Variants in DOCK3 observed in about 807,000 individuals in gnomAD.
The protein encoded by DOCK3 is dedicator of cytokinesis 3, also known as dedicator of cytokinesis protein 3.
A neutral mutation model predicts 265.6 loss-of-function variants in DOCK3; 60 were observed. The observed-to-expected ratio is 0.23, with a 90% CI of 0.18 to 0.28. DOCK3 has a LOEUF of 0.28. Ranked by LOEUF, DOCK3 falls within the 10% of genes least tolerant of loss-of-function variation. The probability of loss-of-function intolerance (pLI) is 1.00; values close to 1 mark genes in which losing one functional copy is unlikely to be tolerated. For synonymous variants in DOCK3, 881 were observed against 938.0 expected, an observed-to-expected ratio of 0.94 and a Z score of 1.11; for missense variants, 1,981 against 2,594.3, an observed-to-expected ratio of 0.76 and a Z score of 5.14.
intron 21 of DOCK3, among the ~76,000 whole-genome samples, chr3:51,245,226 G>T (rs1472799269): frequency 6.6e-6 from 1 of 151,946 alleles, no homozygotes; most frequent in Admixed American, 6.6e-5. Flanking sequence ...AATCCCGGCT[G>T]CTTGGGAGGC....
intron 2 of DOCK3, chr3:50,787,519 G>A: frequency 1.8e-6 from 1 of 556,618 alleles, no homozygotes; most frequent in Non-Finnish European, 3.2e-6. Flanking sequence ...TGGGCAACAA[G>A]AGTAAAACTG....
chr3:51,306,123 C>G (rs2082679049), intron 27 of DOCK3, among the ~76,000 whole-genome samples: 1 of 151,698 alleles, frequency 6.6e-6, no homozygotes, highest in African/African-American at 2.4e-5. Flanking sequence ...ATCTCAGCCT[C>G]TCAAAGTGCT....
intron 27 of DOCK3, among the ~76,000 whole-genome samples, chr3:51,285,040 G>A (rs1361144278): frequency 6.6e-6 from 1 of 152,182 alleles, no homozygotes; most frequent in Non-Finnish European, 1.5e-5. Context: ...TTTAACATTT[G>A]CAGCTACATA....
chr3:51,267,429 A>G (rs1576599074), intron 23 of DOCK3, among the ~76,000 whole-genome samples: 4 of 150,250 alleles, frequency 2.7e-5, no homozygotes, highest in Admixed American at 2.7e-4. Flanking sequence ...TTGTTGCCCA[A>G]GCTGGAGTGC....
At chr3:50,809,516 A>G (rs148490379) in intron 2 of DOCK3, among the ~76,000 whole-genome samples, 1 of 152,354 alleles carries the variant, frequency 6.6e-6, no homozygotes, top group African/African-American at 2.4e-5. Context: ...GGCACTATAT[A>G]CTATAGCTGA....
At chr3:50,995,132 T>A (rs2078233311) in intron 5 of DOCK3, among the ~76,000 whole-genome samples, 1 of 152,254 alleles carries the variant, frequency 6.6e-6, no homozygotes, top group South Asian at 2.1e-4. Flanking sequence ...TATTTATATG[T>A]ACTACTGTTA....
intron 5 of DOCK3, among the ~76,000 whole-genome samples, chr3:51,034,904 A>G (rs899408198): frequency 6.6e-6 from 1 of 152,006 alleles, no homozygotes; most frequent in African/African-American, 2.4e-5. Context: ...ATGTTATTCC[A>G]TTGTGGTCTG....
intron 1 of DOCK3, among the ~76,000 whole-genome samples, chr3:50,773,380 A>C (rs570283649): frequency 6.6e-6 from 1 of 151,778 alleles, no homozygotes; most frequent in East Asian, 1.9e-4. Flanking sequence ...ATATTAATTT[A>C]AAAAAAATCA....
chr3:51,010,381 T>C (rs1448395710), intron 5 of DOCK3, among the ~76,000 whole-genome samples: 1 of 152,208 alleles, frequency 6.6e-6, no homozygotes, highest in African/African-American at 2.4e-5. Context: ...AATAGTCTTC[T>C]TTGTCTCTTT....
intron 4 of DOCK3, among the ~76,000 whole-genome samples, chr3:50,903,712 T>C (rs1418675884): frequency 2.6e-5 from 4 of 152,100 alleles, no homozygotes; most frequent in South Asian, 2.1e-4. Context: ...CTCCTTTTAA[T>C]TGGTTTGAAG....
At chr3:51,335,439 A>G (rs550949729) in intron 35 of DOCK3, among the ~76,000 whole-genome samples, 16 of 152,300 alleles carry the variant, frequency 1.1e-4, no homozygotes, top group African/African-American at 3.8e-4. Flanking sequence ...CCTATTAAGG[A>G]AGCTTTCCCA....
At chr3:50,793,961 G>T (rs1428060991) in intron 2 of DOCK3, among the ~76,000 whole-genome samples, 1 of 152,130 alleles carries the variant, frequency 6.6e-6, no homozygotes, top group Non-Finnish European at 1.5e-5. Context: ...CAAAGAACTT[G>T]TTGATTTTTG....
chr3:50,788,520 G>A (rs1276452329), intron 2 of DOCK3, among the ~76,000 whole-genome samples: 1 of 152,198 alleles, frequency 6.6e-6, no homozygotes, highest in South Asian at 2.1e-4. Flanking sequence ...GAACTACAAG[G>A]GACTTGGTGC....
chr3:50,843,435 A>G (rs886738447), intron 3 of DOCK3, among the ~76,000 whole-genome samples: 92 of 152,276 alleles, frequency 6.0e-4, no homozygotes, highest in African/African-American at 2.2e-3. Flanking sequence ...GTGGCTTCAC[A>G]TGGTTTATCC....
chr3:50,693,606 G>T (rs1340584487), intron 1 of DOCK3, among the ~76,000 whole-genome samples: 2 of 140,394 alleles, frequency 1.4e-5, no homozygotes, highest in African/African-American at 2.6e-5. Flanking sequence ...CATGATCTCG[G>T]CTCACTGCAA....
At chr3:51,287,738 A>C (rs2081488868) in intron 27 of DOCK3, among the ~76,000 whole-genome samples, 1 of 152,202 alleles carries the variant, frequency 6.6e-6, no homozygotes, top group Admixed American at 6.5e-5. Context: ...TGATTTCTCA[A>C]CTTAAAAAAG....
At chr3:51,369,866 A>G (rs2087544948) in intron 49 of DOCK3, among the ~76,000 whole-genome samples, 1 of 152,248 alleles carries the variant, frequency 6.6e-6, no homozygotes, top group Admixed American at 6.5e-5. Flanking sequence ...AAGGCCACCT[A>G]GCCAGTTCAC....
chr3:51,344,115 T>C lies in DOCK3; in HGVS notation c.3915+2730T>C, dbSNP rs1014497350. ...CCATCAGGGCTAGACCAGCCACTTATGTGGGAGAGGGCTTGGGCTCTCCTG... is the reference window on the plus strand; with the variant it reads ...CCATCAGGGCTAGACCAGCCACTTACGTGGGAGAGGGCTTGGGCTCTCCTG... On this transcript the variant is annotated intron_variant, in intron 38 of 52. Transcript: ENST00000266037. 9.9e-5 allele frequency among the ~76,000 whole-genome samples: 15 copies of C among 152,166 alleles called. No individual in the cohort carries two copies. In the South Asian group the frequency reaches 1.9e-3, roughly 19 times the overall value.
chr3:51,244,463 C>G (rs2078738969), intron 21 of DOCK3, among the ~76,000 whole-genome samples: 1 of 151,956 alleles, frequency 6.6e-6, no homozygotes, highest in Non-Finnish European at 1.5e-5. Context: ...ATGGAATTGT[C>G]TTAATTTCAT....
Sources: allele counts gnomAD v4.1 joint callset (sites outside exome capture counted in the v4.1 genomes callset), GRCh38; gene constraint gnomAD v4.1.1; transcripts MANE v1.5; gene names NCBI Gene and HGNC (gene_info 2026-07-23, HGNC 2026-07-21).